Variants in GDPD5 observed in about 807,000 individuals in gnomAD.
GDPD5 encodes glycerophosphodiester phosphodiesterase domain containing 5, also known as glycerophosphodiester phosphodiesterase 2.
In GDPD5, 48 loss-of-function variants were observed where a neutral mutation model predicts 75.1. That is an observed-to-expected ratio of 0.64 (90% CI 0.51 to 0.81). The LOEUF is 0.81. Among genes scored for constraint, GDPD5 ranks in the 40% least tolerant of loss-of-function variants. The pLI is 0.00. For synonymous variants in GDPD5, 336 were observed against 339.0 expected, an observed-to-expected ratio of 0.99 and a Z score of 0.10; for missense variants, 706 against 822.6, an observed-to-expected ratio of 0.86 and a Z score of 1.73.
At chr11:75,453,548 G>T (rs1357608799) in intron 6 of GDPD5, among the ~76,000 whole-genome samples, 1 of 151,832 alleles carries the variant, frequency 6.6e-6, no homozygotes, top group Non-Finnish European at 1.5e-5. Context: ...AACCCAGGAG[G>T]TGGAGCTTGC....
At position 75,441,303 on chromosome 11, in the gene GDPD5, C is replaced by A. The variant is rs778547647; in HGVS notation, c.1333G>T (p.Ala445Ser). The A allele has an allele frequency of 6.2e-7, 1 of 1,613,992 alleles. No individual in the cohort carries two copies. Among genetic ancestry groups the A allele is most frequent in the African/African-American group, 1.3e-5 (1 of 74,932 alleles). ...AGGTTCACACTCAGGTTCCAGGACGCGTAGTCCCTGTGGGGCAGGGGAGAG... is the reference window on the plus strand; with the variant it reads ...AGGTTCACACTCAGGTTCCAGGACGAGTAGTCCCTGTGGGGCAGGGGAGAG... ...QVSRQELRDY[A>S]SWNLSVNLYT... Residue 445 changes from alanine (A) to serine (S), a missense_variant, in exon 14 of 17, where the codon GCG becomes TCG. Physicochemically the swap from Ala to Ser is moderately conservative, Grantham distance 99. Coordinates refer to ENST00000336898, the MANE Select transcript of GDPD5 (RefSeq NM_030792.8).
chr11:75,460,236 T>C (rs927594151), intron 4 of GDPD5, among the ~76,000 whole-genome samples: 1 of 152,172 alleles, frequency 6.6e-6, no homozygotes, highest in Non-Finnish European at 1.5e-5. Flanking sequence ...GCCCTCCTCA[T>C]CCAGTGCTGA....
intron 1 of GDPD5, among the ~76,000 whole-genome samples, chr11:75,519,005 T>G (rs577118111): frequency 3.9e-5 from 6 of 152,146 alleles, no homozygotes; most frequent in Non-Finnish European, 8.8e-5. Context: ...CTGTTTATCC[T>G]TTTCTGCAGG....
At chr11:75,515,016 GCAGAGC>G (rs929981299) in intron 1 of GDPD5, among the ~76,000 whole-genome samples, 2 of 152,200 alleles carry the variant, frequency 1.3e-5, no homozygotes, top group Non-Finnish European at 2.9e-5. Flanking sequence ...CTCAAGAGAG[GCAGAGC>G]CAGGATTCCA....
At chr11:75,483,795 G>A (rs1342579010) in intron 2 of GDPD5, among the ~76,000 whole-genome samples, 4 of 152,226 alleles carry the variant, frequency 2.6e-5, no homozygotes, top group Non-Finnish European at 5.9e-5. Flanking sequence ...GGCAAATACT[G>A]AGACAGAAAG....
At chr11:75,489,593 G>T (rs1455180674) in intron 2 of GDPD5, among the ~76,000 whole-genome samples, 3 of 152,184 alleles carry the variant, frequency 2.0e-5, no homozygotes, top group Non-Finnish European at 4.4e-5. Context: ...CTTTCTCTAG[G>T]ATTCTCTTTT....
At chr11:75,473,750 A>G (rs935564569) in intron 3 of GDPD5, among the ~76,000 whole-genome samples, 1 of 152,110 alleles carries the variant, frequency 6.6e-6, no homozygotes, top group African/African-American at 2.4e-5. Context: ...GTTCCTGAAC[A>G]CAAGACACTC....
At chr11:75,477,232 C>T (rs1448509000) in intron 3 of GDPD5, among the ~76,000 whole-genome samples, 1 of 152,210 alleles carries the variant, frequency 6.6e-6, no homozygotes, top group East Asian at 1.9e-4. Context: ...TGCCAGCTCC[C>T]AGGCTCCAGG....
intron 9 of GDPD5, among the ~76,000 whole-genome samples, chr11:75,445,582 C>T (rs1223176286): frequency 6.6e-6 from 1 of 152,200 alleles, no homozygotes; most frequent in Non-Finnish European, 1.5e-5. Context: ...AGGGAGGACA[C>T]CCCCGATCCC....
chr11:75,488,139 C>T (rs1592129069), intron 2 of GDPD5, among the ~76,000 whole-genome samples: 1 of 152,142 alleles, frequency 6.6e-6, no homozygotes, highest in East Asian at 1.9e-4. Context: ...ACAGGCCTCT[C>T]CCCTCCCTGG....
chr11:75,480,120 A>C (rs1043657653), intron 2 of GDPD5, among the ~76,000 whole-genome samples: 3 of 152,172 alleles, frequency 2.0e-5, no homozygotes, highest in African/African-American at 7.2e-5. Context: ...GGATCACTTG[A>C]GGTCAGGAGT....
chr11:75,503,313 G>A (rs769477117), intron 1 of GDPD5, among the ~76,000 whole-genome samples: 14 of 152,296 alleles, frequency 9.2e-5, no homozygotes, highest in African/African-American at 2.9e-4. Context: ...GAGCCACCAC[G>A]CCCAGCCATG....
intron 1 of GDPD5, among the ~76,000 whole-genome samples, chr11:75,524,386 A>T (rs913966084): frequency 6.6e-6 from 1 of 152,204 alleles, no homozygotes; most frequent in Non-Finnish European, 1.5e-5. Flanking sequence ...ACTGGGGAGG[A>T]GTGTGCATAC....
chr11:75,490,173 C>G (rs1223026934), intron 2 of GDPD5, 64 bp downstream of exon 2: 2 of 152,138 alleles, frequency 1.3e-5, no homozygotes, highest in African/African-American at 4.8e-5. Flanking sequence ...TGTGTAAGAA[C>G]CCAGTCAGCT....
intron 1 of GDPD5, among the ~76,000 whole-genome samples, chr11:75,503,377 G>GT: frequency 6.6e-6 from 1 of 152,208 alleles, no homozygotes. Flanking sequence ...CGTGACAACA[G>GT]TAACTGGAAC....
chr11:75,514,214 G>A (rs910868534), intron 1 of GDPD5, among the ~76,000 whole-genome samples: 5 of 152,224 alleles, frequency 3.3e-5, no homozygotes, highest in African/African-American at 1.2e-4. Flanking sequence ...CCTGGTCTGA[G>A]AGATGGACTC....
At chr11:75,442,944 G>C (rs143409098) in intron 11 of GDPD5, 192 bp downstream of exon 11, 60 of 669,726 alleles carry the variant, frequency 9.0e-5, no homozygotes, top group Non-Finnish European at 1.5e-4. Flanking sequence ...AATGGACCCA[G>C]AACAAGCAGT....
chr11:75,473,517 CCA>C (rs1333692075), intron 3 of GDPD5, among the ~76,000 whole-genome samples: 1 of 152,080 alleles, frequency 6.6e-6, no homozygotes, highest in Admixed American at 6.5e-5. Flanking sequence ...TCCTCACTCC[CCA>C]CATAGACACC....
intron 15 of GDPD5, 143 bp downstream of exon 15, chr11:75,439,736 G>T: frequency 1.4e-6 from 1 of 692,700 alleles, no homozygotes. Context: ...GGAGGATGGG[G>T]CCACCGGAGT....
Sources: allele counts gnomAD v4.1 joint callset (sites outside exome capture counted in the v4.1 genomes callset), GRCh38; gene constraint gnomAD v4.1.1; transcripts MANE v1.5; gene names NCBI Gene and HGNC (gene_info 2026-07-23, HGNC 2026-07-21).